QSER1: variants seen among roughly 807,000 people sequenced by gnomAD.
The protein encoded by QSER1 is glutamine and serine rich 1.
A neutral mutation model predicts 158.5 loss-of-function variants in QSER1; 49 were observed. The ratio of observed to expected loss-of-function variants is 0.31; its 90% CI spans 0.25 to 0.39. QSER1 has a LOEUF of 0.39. QSER1 is among the 10% of genes least tolerant of loss of function. QSER1 has a pLI of 1.00. For synonymous variants in QSER1, 650 were observed against 715.5 expected, an observed-to-expected ratio of 0.91 and a Z score of 1.46; for missense variants, 1,754 against 2,010.3, an observed-to-expected ratio of 0.87 and a Z score of 2.44.
chr11:32,954,960 G>T (rs1852486820), intron 5 of QSER1, among the ~76,000 whole-genome samples: 1 of 152,190 alleles, frequency 6.6e-6, no homozygotes. Flanking sequence ...TAATGTATTT[G>T]TTTATGGTCT....
At position 32,954,072 on chromosome 11, in the gene QSER1, G is replaced by A. The variant is rs1330980066; in HGVS notation, c.4393G>A (p.Ala1465Thr). Reference sequence around the variant, plus strand: ...GTTTGCAAAAGGACAGGACACTGTTGCCATAGAAGGTTTTACAGATGAGGA... The same window carrying A: ...GTTTGCAAAAGGACAGGACACTGTTACCATAGAAGGTTTTACAGATGAGGA... ...DQFAKGQDTVAIEGFTDEEDT... is the reference protein window; with the variant it reads ...DQFAKGQDTVTIEGFTDEEDT... The change falls in exon 5 of 13, where the codon GCC (alanine) becomes ACC (threonine). Residue 1465 changes from alanine to threonine, a missense_variant. This residue lies in a region of QSER1 where 1,707 missense variants were observed against 1,919.6 expected (regional missense o/e 0.89). Transcript: ENST00000650167. 1 of 1,614,172 alleles carries A rather than the reference G, an allele frequency of 6.2e-7. No individual in the cohort carries two copies. Among genetic ancestry groups the A allele is most frequent in the Non-Finnish European group, 8.5e-7 (1 of 1,180,034 alleles).
chr11:32,912,597 G>C (rs557478697), intron 1 of QSER1, among the ~76,000 whole-genome samples: 64 of 152,114 alleles, frequency 4.2e-4, no homozygotes, highest in African/African-American at 6.7e-4. Flanking sequence ...CGATGCTGAT[G>C]AGCATCGCCT....
chr11:32,916,013 T>TG (rs1851826157), intron 1 of QSER1, among the ~76,000 whole-genome samples: 1 of 151,984 alleles, frequency 6.6e-6, no homozygotes, highest in African/African-American at 2.4e-5. Flanking sequence ...GCAGTTCTCC[T>TG]GCCTCAGCCT....
chr11:32,951,782 G>A (rs1852426116), intron 4 of QSER1, among the ~76,000 whole-genome samples: 1 of 151,002 alleles, frequency 6.6e-6, no homozygotes, highest in South Asian at 2.1e-4. Flanking sequence ...CTTGTACCCT[G>A]CAATCTTGCT....
At chr11:32,919,265 C>T (rs903056738) in intron 1 of QSER1, among the ~76,000 whole-genome samples, 24 of 152,280 alleles carry the variant, frequency 1.6e-4, no homozygotes, top group African/African-American at 5.3e-4. Context: ...AAACTACAGG[C>T]AAGCACCACT....
At position 32,963,767 on chromosome 11, in the gene QSER1, A is replaced by G. The variant is rs567863562; in HGVS notation, c.4970-2533A>G. 2.6e-5 allele frequency among the ~76,000 whole-genome samples: 4 copies of G among 152,262 alleles called. No individual in the cohort carries two copies. In the South Asian group the frequency reaches 6.2e-4, roughly 24 times the overall value. On this transcript the variant is annotated intron_variant, in intron 8 of 12. Transcript: ENST00000650167. ...TAACCTCAAACTTCTGGCACAAGCAATCTTCTCACCTCGGTCCCCCAAGTA... is the reference window on the plus strand; with the variant it reads ...TAACCTCAAACTTCTGGCACAAGCAGTCTTCTCACCTCGGTCCCCCAAGTA...
intron 8 of QSER1, among the ~76,000 whole-genome samples, chr11:32,960,516 G>A (rs942559165): frequency 1.3e-5 from 2 of 152,064 alleles, no homozygotes; most frequent in Non-Finnish European, 2.9e-5. Flanking sequence ...CCAAGATTGC[G>A]CTATTGCACT....
At chr11:32,951,211 G>A (rs953073204) in intron 4 of QSER1, among the ~76,000 whole-genome samples, 1 of 152,056 alleles carries the variant, frequency 6.6e-6, no homozygotes. Flanking sequence ...CTATTGAATG[G>A]TTCTGGCACC....
chr11:32,924,092 A>G (rs779244068), intron 1 of QSER1, among the ~76,000 whole-genome samples: 2 of 152,350 alleles, frequency 1.3e-5, no homozygotes, highest in Non-Finnish European at 2.9e-5. Flanking sequence ...AAAGATCTCA[A>G]AATGAGTCAC....
In QSER1 at chr11:32,931,820, T is replaced by G. The variant is rs767909825; in HGVS notation, c.562T>G (p.Ser188Ala). 1.2e-6 allele frequency: 2 copies of G among 1,614,192 alleles called. No individual in the cohort carries two copies. Among genetic ancestry groups the G allele is most frequent in the South Asian group, 2.2e-5 (2 of 91,082 alleles). Residue 188 changes from serine (S) to alanine (A), a missense_variant, in exon 4 of 13, where the codon TCT becomes GCT. By Grantham distance (99) the Ser-to-Ala change is moderately conservative (BLOSUM62 1). Transcript: ENST00000650167. ...PSTGTLPPSL[S>A]AYQHPTTFSN... ...CACTGGAACACTTCCACCATCTCTC[T>G]CTGCTTATCAGCATCCCACCACCTT...
In QSER1 at chr11:32,973,433, A is replaced by C; in HGVS notation, c.5242A>C (p.Thr1748Pro). Residue 1748 changes from threonine to proline, a missense_variant, in exon 11 of 13, where the codon ACT (threonine) becomes CCT (proline). Physicochemically the swap from Thr to Pro is conservative, Grantham distance 38. This residue lies in a region of QSER1 where 1,707 missense variants were observed against 1,919.6 expected (regional missense o/e 0.89). Coordinates refer to ENST00000650167, the MANE Select transcript of QSER1 (RefSeq NM_001076786.3). ...AAGTTTTCCTGAACTAACAATAATT[A>C]CTCGAGATTCTAAAGCAAAGAGTGG... is the stretch of plus-strand genomic sequence containing the variant. ...LESFPELTIITRDSKAKSGGT... is the reference protein window; with the variant it reads ...LESFPELTIIPRDSKAKSGGT... The C allele has an allele frequency of 6.2e-7, 1 of 1,613,764 alleles. No individual in the cohort carries two copies. Among genetic ancestry groups the C allele is most frequent in the Non-Finnish European group, 8.5e-7 (1 of 1,179,852 alleles).
chr11:32,949,798 T>C lies in QSER1; in HGVS notation c.4178-4059T>C, dbSNP rs139001925. Among the ~76,000 whole-genome samples, 341 of 152,306 alleles carry C rather than the reference T, an allele frequency of 2.2e-3. 2 individuals are homozygous for C. Among genetic ancestry groups the C allele is most frequent in the African/African-American group, 7.5e-3 (312 of 41,560 alleles). On this transcript the variant is annotated intron_variant, in intron 4 of 12. Transcript: ENST00000650167. ...CCCTTGAGTGGGAAATGTATAAATA[T>C]ATGAGAATAGCTTTAATTTGGGACA...
chr11:32,932,595 G>T lies in QSER1; in HGVS notation c.1337G>T (p.Ser446Ile). ...TATTCCAAACCTTTACATAATCAGA[G>T]TTCTGTAATATCGGGCCAAGCACAA... The part of the protein sequence containing the change: ...LSYSKPLHNQ[S>I]SVISGQAQIY... The change falls in exon 4 of 13, where the codon AGT becomes ATT. Residue 446 changes from serine to isoleucine, a missense_variant. By Grantham distance (142) the Ser-to-Ile change is moderately radical. This residue lies in a region of QSER1 where 1,707 missense variants were observed against 1,919.6 expected (regional missense o/e 0.89). Transcript: ENST00000650167. The T allele has an allele frequency of 1.9e-6, 3 of 1,614,046 alleles. No homozygotes were observed. The highest frequency in any genetic ancestry group is 2.5e-6 in the Non-Finnish European group (3 of 1,180,000).
At chr11:32,916,141 T>G (rs1590718993) in intron 1 of QSER1, among the ~76,000 whole-genome samples, 1 of 152,330 alleles carries the variant, frequency 6.6e-6, no homozygotes, top group East Asian at 1.9e-4. Context: ...CCTCAGGTGA[T>G]CCGCCTGCCT....
intron 10 of QSER1, among the ~76,000 whole-genome samples, chr11:32,973,115 G>C (rs1448539821): frequency 6.6e-6 from 1 of 152,222 alleles, no homozygotes; most frequent in African/African-American, 2.4e-5. Context: ...GCAGGTCATA[G>C]AGTTGGCTCA....
chr11:32,955,090 C>T (rs1852488977), intron 5 of QSER1, among the ~76,000 whole-genome samples: 1 of 152,120 alleles, frequency 6.6e-6, no homozygotes, highest in Non-Finnish European at 1.5e-5. Context: ...ACTTTGTGTG[C>T]TAATGAACTC....
Position 32,892,957 on chromosome 11 carries a change from CG to C in QSER1, c.-168del, listed in dbSNP as rs1851500828. On this transcript the variant is annotated 5_prime_UTR_variant, in exon 1 of 13. Transcript: ENST00000650167. ...GGCCCGGGTCTTTGCGGCCCAGACT[CG>C]CCAGCGCGCCCTTCTCCCGCCTGCT... Among the ~76,000 whole-genome samples, 1 of 147,400 alleles carries C rather than the reference CG, an allele frequency of 6.8e-6. No homozygotes were observed. The highest frequency in any genetic ancestry group is 2.5e-5 in the African/African-American group (1 of 40,530).
intron 4 of QSER1, 37 bp downstream of exon 4, chr11:32,935,472 T>A: frequency 7.1e-7 from 1 of 1,414,966 alleles, no homozygotes; most frequent in Non-Finnish European, 9.4e-7. Context: ...ATTATTACTT[T>A]CTTCTATTTT....
intron 4 of QSER1, among the ~76,000 whole-genome samples, chr11:32,953,643 C>T (rs962661009): frequency 3.3e-5 from 5 of 152,144 alleles, no homozygotes; most frequent in African/African-American, 1.2e-4. Context: ...TAGATAGTTG[C>T]AGGTTTGCAG....
Sources: gnomAD v4.1 joint callset for allele counts (sites outside exome capture counted in the v4.1 genomes callset) on GRCh38, gnomAD v4.1.1 for gene constraint, gnomAD v4.1.1 regional missense constraint, MANE v1.5 for transcripts, NCBI Gene and HGNC (gene_info 2026-07-23, HGNC 2026-07-21) for gene names.